GRAMD1B: variants seen among roughly 807,000 people sequenced by gnomAD.
GRAMD1B encodes GRAM domain containing 1B, also known as protein Aster-B.
A neutral mutation model predicts 99.7 loss-of-function variants in GRAMD1B; 37 were observed. That is an observed-to-expected ratio of 0.37 (90% CI 0.29 to 0.49). GRAMD1B has a LOEUF of 0.49. Among genes scored for constraint, GRAMD1B ranks in the 20% least tolerant of loss-of-function variants. The probability of loss-of-function intolerance (pLI) is 0.98; values close to 1 mark genes in which losing one functional copy is unlikely to be tolerated. For synonymous variants in GRAMD1B, 427 were observed against 387.6 expected, an observed-to-expected ratio of 1.10 and a Z score of -1.19; for missense variants, 888 against 1,009.2, an observed-to-expected ratio of 0.88 and a Z score of 1.63.
intron 1 of GRAMD1B, among the ~76,000 whole-genome samples, chr11:123,384,248 A>G (rs1052671722): frequency 6.6e-6 from 1 of 152,138 alleles, no homozygotes; most frequent in Non-Finnish European, 1.5e-5. Flanking sequence ...AACCCCCTGC[A>G]GATTTGTTTG....
chr11:123,470,969 T>C (rs1346448586), intron 1 of GRAMD1B, among the ~76,000 whole-genome samples: 1 of 152,212 alleles, frequency 6.6e-6, no homozygotes, highest in Admixed American at 6.5e-5. Context: ...GTACTTGAAA[T>C]ACTGGTGTGA....
At chr11:123,600,349 A>G in intron 7 of GRAMD1B, 119 bp from the exon 8 acceptor site, 1 of 641,380 alleles carries the variant, frequency 1.6e-6, no homozygotes, top group East Asian at 2.9e-5. Context: ...CAGGTAACTG[A>G]GAGTCATTAG....
intron 2 of GRAMD1B, among the ~76,000 whole-genome samples, chr11:123,574,953 A>G (rs1171923997): frequency 1.3e-5 from 2 of 152,190 alleles, no homozygotes; most frequent in Non-Finnish European, 1.5e-5. Flanking sequence ...ATCAGGGAGA[A>G]GTTTCCAAGA....
intron 2 of GRAMD1B, among the ~76,000 whole-genome samples, chr11:123,507,584 T>TTAA (rs1940563493): frequency 6.6e-6 from 1 of 152,160 alleles, no homozygotes; most frequent in African/African-American, 2.4e-5. Context: ...TCAATTTGAA[T>TTAA]CAGAGTAGTT....
chr11:123,584,245 C>T, intron 3 of GRAMD1B, 67 bp from the exon 4 acceptor site: 3 of 808,410 alleles, frequency 3.7e-6, no homozygotes, highest in Non-Finnish European at 6.2e-6. Flanking sequence ...GTGTGCCCTT[C>T]CCCCTGGCCC....
At chr11:123,532,947 A>G (rs1419898217) in intron 2 of GRAMD1B, among the ~76,000 whole-genome samples, 1 of 152,188 alleles carries the variant, frequency 6.6e-6, no homozygotes, top group East Asian at 1.9e-4. Context: ...AAGCAAATAG[A>G]GATACTTCTC....
chr11:123,456,509 G>A (rs1044903242), intron 1 of GRAMD1B, among the ~76,000 whole-genome samples: 4 of 151,912 alleles, frequency 2.6e-5, no homozygotes, highest in Non-Finnish European at 4.4e-5. Flanking sequence ...GTGTGGTGGC[G>A]CATGCCTATA....
rs1467132540 is a variant in GRAMD1B, at chr11:123,625,091, C to A, written c.*2496C>A. ...CCAGGAAAAAACCAACAACTCTATT[C>A]ATTCCCAAACAAAATCTCTTCCCCC... On this transcript the variant is annotated 3_prime_UTR_variant, in exon 20 of 20. Transcript: ENST00000635736. The A allele has an allele frequency of 6.6e-6, 1 of 152,198 alleles. No homozygotes were observed. The highest frequency in any genetic ancestry group is 2.4e-5 in the African/African-American group (1 of 41,438). The allele number at this position is 152,198 out of a possible 1,614,324, so 9.4% of individuals were successfully genotyped here. A position where few individuals can be genotyped will look rare whatever the true frequency, so the allele number is the denominator to read the frequency against.
rs188767349 is a variant in GRAMD1B at position 123,598,825 on chromosome 11, A to T, written c.970-1643A>T. 5.0e-3 allele frequency: 6,122 copies of T among 1,225,800 alleles called. 25 individuals carry two copies. The highest frequency in any genetic ancestry group is 6.3e-3 in the Non-Finnish European group (5,224 of 826,078). The allele number at this position is 1,225,800 out of a possible 1,614,324, so 75.9% of individuals were successfully genotyped here. ...TCAAATTCAGCCTGAATCTTCCCAGAAAGTTCATTCTGATCTTGGAGAGGC... is the reference window on the plus strand; with the variant it reads ...TCAAATTCAGCCTGAATCTTCCCAGTAAGTTCATTCTGATCTTGGAGAGGC... On this transcript the variant is annotated intron_variant, in intron 7 of 19. Coordinates refer to ENST00000635736, the MANE Select transcript of GRAMD1B (RefSeq NM_001387025.1).
intron 1 of GRAMD1B, among the ~76,000 whole-genome samples, chr11:123,404,422 C>G (rs776390218): frequency 7.9e-5 from 12 of 152,180 alleles, no homozygotes; most frequent in Non-Finnish European, 1.8e-4. Flanking sequence ...GATTCATTTC[C>G]TTTATTTGAC....
At chr11:123,613,089 A>T in intron 15 of GRAMD1B, 1 of 570,996 alleles carries the variant, frequency 1.8e-6, no homozygotes, top group Admixed American at 3.3e-5. Context: ...GAGATCATTG[A>T]GGGATCTATA....
chr11:123,420,730 A>C (rs1948404105), intron 1 of GRAMD1B, among the ~76,000 whole-genome samples: 1 of 152,234 alleles, frequency 6.6e-6, no homozygotes, highest in African/African-American at 2.4e-5. Context: ...AGAAAGTCAA[A>C]AGAGAGCAAT....
chr11:123,606,882 G>A (rs543650617), intron 11 of GRAMD1B, 84 bp downstream of exon 11: 1 of 1,041,670 alleles, frequency 9.6e-7, no homozygotes, highest in African/African-American at 1.6e-5. Context: ...ACTGTAGTTA[G>A]TCTCTAGGTT....
chr11:123,591,439 G>A lies in GRAMD1B; in HGVS notation c.685-2643G>A. ...CGGGGGTCCTCTGGAGCCTTCTGCT[G>A]GAGCAGGAGAGCCAGCTGCTGCAGT... On this transcript the variant is annotated intron_variant, in intron 4 of 19. Transcript: ENST00000635736. The surrounding 1 kb of genome is among the most constrained non-coding windows in gnomAD (Gnocchi z 4.7). The A allele has an allele frequency of 2.5e-6, 1 of 399,114 alleles. No homozygotes were observed. The highest frequency in any genetic ancestry group is 4.4e-6 in the Non-Finnish European group (1 of 226,112). The allele number at this position is 399,114 out of a possible 1,614,324, so 24.7% of individuals were successfully genotyped here.
intron 2 of GRAMD1B, among the ~76,000 whole-genome samples, chr11:123,514,960 G>T (rs981925983): frequency 1.3e-5 from 2 of 152,206 alleles, no homozygotes; most frequent in African/African-American, 4.8e-5. Flanking sequence ...GGTGATAGAT[G>T]CTCAATAAAT....
chr11:123,425,279 G>A (rs1948607893), upstream of GRAMD1B, among the ~76,000 whole-genome samples: 1 of 152,182 alleles, frequency 6.6e-6, no homozygotes, highest in South Asian at 2.1e-4. Flanking sequence ...TGCTTCTGAG[G>A]AAAGCAACAG....
chr11:123,431,284 G>A, intron 1 of GRAMD1B, 118 bp downstream of exon 1: 1 of 595,544 alleles, frequency 1.7e-6, no homozygotes, highest in Non-Finnish European at 3.0e-6. Flanking sequence ...CGTCACCAGA[G>A]GCGCTTCTGG....
intron 1 of GRAMD1B, among the ~76,000 whole-genome samples, chr11:123,473,863 C>T (rs1732601855): frequency 6.6e-6 from 1 of 152,202 alleles, no homozygotes; most frequent in African/African-American, 2.4e-5. Flanking sequence ...TAGACTTGTC[C>T]ATACCTGCTT....
chr11:123,467,956 C>T (rs144065255), intron 1 of GRAMD1B, among the ~76,000 whole-genome samples: 5,294 of 151,914 alleles, frequency 0.035, 106 homozygotes, highest in Middle Eastern at 0.058. Flanking sequence ...CTCTGCCTCC[C>T]GGGTTCAGGC....
Sources: allele counts gnomAD v4.1 joint callset (sites outside exome capture counted in the v4.1 genomes callset), GRCh38; gene constraint gnomAD v4.1.1; non-coding constraint Gnocchi (gnomAD v3.1); transcripts MANE v1.5; gene names NCBI Gene and HGNC (gene_info 2026-07-23, HGNC 2026-07-21).